NYAP2: variants seen among roughly 807,000 people sequenced by gnomAD.
The protein encoded by NYAP2 is neuronal tyrosine-phosphorylated phosphoinositide-3-kinase adaptor 2, also known as neuronal tyrosine-phosphorylated phosphoinositide-3-kinase adapter 2.
NYAP2 carries 23 observed loss-of-function variants against 50.4 expected under a neutral mutation model. The observed-to-expected ratio is 0.46, with a 90% CI of 0.33 to 0.65. The LOEUF (loss-of-function observed/expected upper bound fraction) is 0.65, where lower values mean the gene tolerates loss of function less well. Among genes scored for constraint, NYAP2 ranks in the 30% least tolerant of loss-of-function variants. The probability of loss-of-function intolerance (pLI) is 0.02; values close to 1 mark genes in which losing one functional copy is unlikely to be tolerated. For synonymous variants in NYAP2, 394 were observed against 365.2 expected, an observed-to-expected ratio of 1.08 and a Z score of -0.90; for missense variants, 885 against 861.0, an observed-to-expected ratio of 1.03 and a Z score of -0.35.
chr2:225,579,885 A>G (rs915614401), intron 4 of NYAP2, among the ~76,000 whole-genome samples: 2 of 152,232 alleles, frequency 1.3e-5, no homozygotes, highest in Non-Finnish European at 2.9e-5. Flanking sequence ...ATAATTTAAG[A>G]GGGTGAAAAT....
chr2:225,451,015 T>C (rs2106147522), intron 3 of NYAP2, among the ~76,000 whole-genome samples: 1 of 152,288 alleles, frequency 6.6e-6, no homozygotes, highest in African/African-American at 2.4e-5. Context: ...AGAGGTGCCA[T>C]TGTCATCTAA....
chr2:225,477,960 G>A lies in NYAP2; in HGVS notation c.222-35411G>A, dbSNP rs1326772281. Among the ~76,000 whole-genome samples the A allele has an allele frequency of 2.6e-5, 4 of 152,144 alleles. No individual in the cohort carries two copies. The South Asian group carries it at 6.2e-4, about 24-fold the overall frequency. The stretch of plus-strand genomic sequence containing the variant: ...TTTATCAATCCTTGTATTAAAAGAA[G>A]TGTTCAAGGAGCCCGAAATTAGTTC... On this transcript the variant is annotated intron_variant, in intron 3 of 6. Transcript: ENST00000636099.
intron 3 of NYAP2, among the ~76,000 whole-genome samples, chr2:225,435,653 A>C (rs1211992042): frequency 1.3e-5 from 2 of 152,200 alleles, no homozygotes; most frequent in African/African-American, 2.4e-5. Context: ...TTTTCTAATT[A>C]ATTTCCCTGT....
At chr2:225,699,427 C>T in the NYAP2 span, 5 of 151,894 alleles carry the variant, frequency 3.3e-5, no homozygotes, top group Admixed American at 6.6e-5. Flanking sequence ...TGACTGCTTT[C>T]AAGAAAGTGG....
At chr2:225,404,015 A>G (rs959668105) in intron 2 of NYAP2, among the ~76,000 whole-genome samples, 4 of 151,970 alleles carry the variant, frequency 2.6e-5, no homozygotes, top group African/African-American at 9.7e-5. Flanking sequence ...GACTCTTTGT[A>G]CACCCTTGAT....
At chr2:225,505,101 T>G (rs1050320077) in intron 3 of NYAP2, among the ~76,000 whole-genome samples, 17 of 152,160 alleles carry the variant, frequency 1.1e-4, no homozygotes, top group African/African-American at 3.9e-4. Flanking sequence ...GACAGTTTTG[T>G]TTTTTTCTTG....
intron 3 of NYAP2, among the ~76,000 whole-genome samples, chr2:225,413,577 T>C (rs1235328718): frequency 6.6e-6 from 1 of 152,186 alleles, no homozygotes; most frequent in Admixed American, 6.5e-5. Flanking sequence ...TGCTGCCATG[T>C]TCTTAATTAA....
At chr2:225,679,493 G>GTTTTTTT in the NYAP2 span, among the ~76,000 whole-genome samples, 14 of 103,882 alleles carry the variant, frequency 1.3e-4, no homozygotes, top group Non-Finnish European at 2.0e-4. Context: ...GCTTCTAATT[G>GTTTTTTT]TTTTTTTTTT....
chr2:225,489,320 A>G (rs1690363659), intron 3 of NYAP2, among the ~76,000 whole-genome samples: 1 of 151,786 alleles, frequency 6.6e-6, no homozygotes. Flanking sequence ...CAGCCTCCCG[A>G]GTAGCTGGGA....
At chr2:225,685,581 T>C in the NYAP2 span, among the ~76,000 whole-genome samples, 2 of 152,184 alleles carry the variant, frequency 1.3e-5, no homozygotes, top group Non-Finnish European at 2.9e-5. Flanking sequence ...CATTACTAGG[T>C]TGAATTACTG....
At chr2:225,469,522 A>C (rs1452444421) in intron 3 of NYAP2, among the ~76,000 whole-genome samples, 1 of 152,228 alleles carries the variant, frequency 6.6e-6, no homozygotes, top group Non-Finnish European at 1.5e-5. Flanking sequence ...AAGGATTATA[A>C]ATCATTCTAC....
chr2:225,566,036 T>C (rs1691954540), intron 4 of NYAP2, among the ~76,000 whole-genome samples: 1 of 152,158 alleles, frequency 6.6e-6, no homozygotes. Flanking sequence ...CTTGGACAAG[T>C]AATTCAATTT....
chr2:225,531,141 A>T (rs1691247539), intron 4 of NYAP2, among the ~76,000 whole-genome samples: 5 of 151,982 alleles, frequency 3.3e-5, no homozygotes, highest in Admixed American at 3.3e-4. Context: ...ATAAAACTGA[A>T]CTCATTAGCA....
chr2:225,577,195 CTACTGTCATGA>C (rs1438228136), intron 4 of NYAP2, among the ~76,000 whole-genome samples: 1 of 152,152 alleles, frequency 6.6e-6, no homozygotes, highest in Non-Finnish European at 1.5e-5. Flanking sequence ...TTATTAAATG[CTACTGTCATGA>C]TACTATTTTA....
chr2:225,493,402 G>T (rs1690444085), intron 3 of NYAP2, among the ~76,000 whole-genome samples: 1 of 152,210 alleles, frequency 6.6e-6, no homozygotes. Flanking sequence ...GCTGATACAG[G>T]ATCATGAACT....
At chr2:225,567,181 A>G (rs1204937798) in intron 4 of NYAP2, among the ~76,000 whole-genome samples, 1 of 152,160 alleles carries the variant, frequency 6.6e-6, no homozygotes, top group Non-Finnish European at 1.5e-5. Flanking sequence ...GTATCTGCAT[A>G]TCTAAACATA....
At chr2:225,501,495 T>C (rs1690606173) in intron 3 of NYAP2, among the ~76,000 whole-genome samples, 1 of 152,190 alleles carries the variant, frequency 6.6e-6, no homozygotes, top group Admixed American at 6.5e-5. Context: ...GAGGTGAAGA[T>C]AACAAAACTG....
chr2:225,638,158 G>T (rs1220760362), intron 6 of NYAP2, among the ~76,000 whole-genome samples: 3 of 77,284 alleles, frequency 3.9e-5, no homozygotes, highest in African/African-American at 3.2e-4. Context: ...TCGTGTGTTT[G>T]TGTGTGTGTG....
chr2:225,632,113 T>C (rs1422106517), intron 6 of NYAP2, among the ~76,000 whole-genome samples: 1 of 152,148 alleles, frequency 6.6e-6, no homozygotes, highest in Non-Finnish European at 1.5e-5. Flanking sequence ...ACCTTTGGTG[T>C]TTTAAGCAAA....
Sources: allele counts gnomAD v4.1 joint callset (sites outside exome capture counted in the v4.1 genomes callset), GRCh38; gene constraint gnomAD v4.1.1; transcripts MANE v1.5; gene names NCBI Gene and HGNC (gene_info 2026-07-23, HGNC 2026-07-21).